The following PKD2L2 variants were observed in gnomAD, a reference collection of about 807,000 sequenced individuals.
PKD2L2 encodes the protein polycystin-2-like protein 2.
Under a neutral mutation model 83.9 loss-of-function variants are expected in PKD2L2, and 67 were observed. The observed-to-expected ratio is 0.80, with a 90% confidence interval of 0.66 to 0.98. The LOEUF (loss-of-function observed/expected upper bound fraction) is 0.98, where lower values mean the gene tolerates loss of function less well. Ranked by LOEUF, PKD2L2 falls within the 50% of genes least tolerant of loss-of-function variation. The pLI is 0.00. For synonymous variants in PKD2L2, 223 were observed against 237.8 expected (o/e 0.94, Z 0.57); for missense variants, 632 against 717.2 (o/e 0.88, Z 1.36).
At chr5:137,908,518 G>T (rs1300824510) in intron 7 of PKD2L2, among the ~76,000 whole-genome samples, 7 of 151,850 alleles carry the variant, frequency 4.6e-5, no homozygotes, top group African/African-American at 1.5e-4. Flanking sequence ...TTGAACCTAG[G>T]GGGCAGAGGT....
intron 12 of PKD2L2, among the ~76,000 whole-genome samples, chr5:137,931,046 T>G (rs1336721045): frequency 6.6e-6 from 1 of 152,070 alleles, no homozygotes; most frequent in African/African-American, 2.4e-5. Context: ...TGGAAGGAAT[T>G]AAAAGATCTC....
chr5:137,890,548 A>C lies in PKD2L2; in HGVS notation c.99A>C (p.Leu33Phe). ...TTACAACCACACTTCAGGAATTGTTACTCTACTTTATTTTTTTAATAAACC... is the reference window on the plus strand; with the variant it reads ...TTACAACCACACTTCAGGAATTGTTCCTCTACTTTATTTTTTTAATAAACC... Reference protein sequence around the residue: ...VEITTTLQELLLYFIFLINLC... With the variant: ...VEITTTLQELFLYFIFLINLC... The change falls in exon 2 of 15, where the codon TTA becomes TTC. Residue 33 changes from leucine to phenylalanine, a missense_variant. Coordinates refer to ENST00000508883, the MANE Select transcript of PKD2L2 (RefSeq NM_001300921.2). 1 of 1,549,568 alleles carries C rather than the reference A, an allele frequency of 6.5e-7. No individual in the cohort carries two copies.
intron 12 of PKD2L2, among the ~76,000 whole-genome samples, chr5:137,935,357 AAG>A (rs1760239031): frequency 6.6e-6 from 1 of 152,188 alleles, no homozygotes; most frequent in African/African-American, 2.4e-5. Flanking sequence ...AGTAATTACA[AAG>A]AGGGGGTTTT....
rs770564677 is a variant in PKD2L2, at chr5:137,934,537, G to C, written c.1672-1260G>C. Among the ~76,000 whole-genome samples the C allele has an allele frequency of 5.9e-5, 9 of 152,102 alleles. No individual in the cohort carries two copies. In the East Asian group the frequency reaches 1.5e-3, roughly 26 times the overall value. ...AATATGTTCGTTTAAGGCTGGGCGC[G>C]GTGGCTCGCACCTGTAATCCCAGCA... On this transcript the variant is annotated intron_variant, in intron 12 of 14. Transcript: ENST00000508883.
In PKD2L2 at chr5:137,897,417, C is replaced by T. The variant is rs1756576929; in HGVS notation, c.525-2099C>T. Among the ~76,000 whole-genome samples the T allele has an allele frequency of 2.0e-5, 3 of 152,102 alleles. No homozygotes were observed. The South Asian group carries it at 6.2e-4, about 32-fold the overall frequency. On this transcript the variant is annotated intron_variant, in intron 4 of 14. Transcript: ENST00000508883. ...TTCAACCCCAAATTACAAGATAAAG[C>T]AATTATTTACACCTTTTAAATTGGA...
At chr5:137,896,995 T>C (rs969594417) in intron 4 of PKD2L2, among the ~76,000 whole-genome samples, 1 of 149,348 alleles carries the variant, frequency 6.7e-6, no homozygotes, top group Non-Finnish European at 1.5e-5. Flanking sequence ...ATGATTCTTA[T>C]AAATCGAATA....
chr5:137,917,139 T>A (rs1047376768), intron 8 of PKD2L2, among the ~76,000 whole-genome samples: 1 of 150,606 alleles, frequency 6.6e-6, no homozygotes, highest in Non-Finnish European at 1.5e-5. Context: ...GTCCTGCAGG[T>A]CTCTTGGTAT....
chr5:137,911,842 G>C, intron 8 of PKD2L2, among the ~76,000 whole-genome samples: 1 of 152,034 alleles, frequency 6.6e-6, no homozygotes, highest in South Asian at 2.1e-4. Context: ...AGCAATTACC[G>C]TTCTACCCTC....
At chr5:137,904,036 G>A (rs1369099996) in intron 5 of PKD2L2, among the ~76,000 whole-genome samples, 1 of 152,282 alleles carries the variant, frequency 6.6e-6, no homozygotes, top group South Asian at 2.1e-4. Context: ...GATTACAGAC[G>A]TGAGCCACCC....
Position 137,925,054 on chromosome 5 carries a change from T to G in PKD2L2, c.1566T>G (p.Val522=). The change falls in exon 11 of 15, where the codon GTT becomes GTG. Residue 522 remains valine, a synonymous_variant. Coordinates refer to ENST00000508883, the MANE Select transcript of PKD2L2 (RefSeq NM_001300921.2). The part of the protein sequence containing the change: ...GKMIKQSYKN[V]LEKFRLKKAQ... The stretch of plus-strand genomic sequence containing the variant: ...ATTATGCCCAGAGTTACAAAAATGT[T>G]CTCGAGAAATTCAGACTGAAGAAAG... 3 of 1,596,370 alleles carry G rather than the reference T, an allele frequency of 1.9e-6. No individual in the cohort carries two copies. The highest frequency in any genetic ancestry group is 2.6e-6 in the Non-Finnish European group (3 of 1,164,150).
chr5:137,901,849 T>C (rs1010597474), intron 5 of PKD2L2, among the ~76,000 whole-genome samples: 1 of 152,176 alleles, frequency 6.6e-6, no homozygotes, highest in African/African-American at 2.4e-5. Flanking sequence ...GATTGCATTA[T>C]TGAAGATGCC....
intron 8 of PKD2L2, 33 bp downstream of exon 8, chr5:137,908,979 C>T (rs1456327648): frequency 7.6e-7 from 1 of 1,323,394 alleles, no homozygotes; most frequent in Non-Finnish European, 1.1e-6. Flanking sequence ...ATTATATCTT[C>T]TATATTTTCT....
chr5:137,915,051 A>T (rs1430198489), intron 8 of PKD2L2, among the ~76,000 whole-genome samples: 2 of 152,022 alleles, frequency 1.3e-5, no homozygotes, highest in Non-Finnish European at 2.9e-5. Context: ...TTTTGCATCT[A>T]TCTTCATTAG....
chr5:137,941,031 G>C (rs146162274), intron 14 of PKD2L2, among the ~76,000 whole-genome samples: 1 of 152,038 alleles, frequency 6.6e-6, no homozygotes, highest in South Asian at 2.1e-4. Flanking sequence ...TCAGCCTCTA[G>C]AGTAGCTGGA....
rs189161564 is a variant in PKD2L2 at position 137,904,258 on chromosome 5, C to T, written c.747-1948C>T. 1.3e-3 allele frequency among the ~76,000 whole-genome samples: 198 copies of T among 152,260 alleles called. 4 individuals carry two copies. The highest frequency in any genetic ancestry group is 0.01 in the Middle Eastern group (3 of 292). ...ACTAGCAAAGGATTTGCTCTAGAAT[C>T]AAACACTTAGCAAAGGATTACCATG... On this transcript the variant is annotated intron_variant, in intron 5 of 14. Coordinates refer to ENST00000508883, the MANE Select transcript of PKD2L2 (RefSeq NM_001300921.2).
rs1043442887 is a variant in PKD2L2, at chr5:137,927,148, C to T, written c.1671+1219C>T. 3.3e-5 allele frequency among the ~76,000 whole-genome samples: 5 copies of T among 152,244 alleles called. No homozygotes were observed. In the South Asian group the frequency reaches 1.0e-3, roughly 32 times the overall value. Reference sequence around the variant, plus strand: ...AATGAGACGTTTACAGACCTCTCCACCAAATACTTATTACAAAAAGAAAAG... The same window carrying T: ...AATGAGACGTTTACAGACCTCTCCATCAAATACTTATTACAAAAAGAAAAG... On this transcript the variant is annotated intron_variant, in intron 12 of 14. Transcript: ENST00000508883.
In PKD2L2 at chr5:137,936,283, T is replaced by C. The variant is rs1760378936; in HGVS notation, c.1785-37T>C. 2.7e-6 allele frequency: 4 copies of C among 1,506,986 alleles called. No individual in the cohort carries two copies. The East Asian group carries it at 9.8e-5, about 37-fold the overall frequency. 93.4% of individuals were successfully genotyped at this position (1,506,986 alleles called of 1,614,324 possible). On this transcript the variant is annotated intron_variant, in intron 13 of 14. Transcript: ENST00000508883. ...TTGCTGTCTATACATGAAAGTTTAT[T>C]ACTGACTCATTCTCTACTTCCTTCG...
intron 3 of PKD2L2, among the ~76,000 whole-genome samples, chr5:137,893,633 A>T (rs1456743910): frequency 6.6e-6 from 1 of 152,220 alleles, no homozygotes; most frequent in Non-Finnish European, 1.5e-5. Flanking sequence ...TTGTGAGCAT[A>T]TGGAAGATGA....
intron 13 of PKD2L2, 110 bp downstream of exon 13, chr5:137,936,019 C>A: frequency 1.4e-6 from 1 of 701,444 alleles, no homozygotes; most frequent in South Asian, 1.8e-5. Flanking sequence ...TATTAGGATG[C>A]CTTTATTTAC....
Sources: gnomAD v4.1 joint callset for allele counts (sites outside exome capture counted in the v4.1 genomes callset) on GRCh38, gnomAD v4.1.1 for gene constraint, MANE v1.5 for transcripts, NCBI Gene and HGNC (gene_info 2026-07-23, HGNC 2026-07-21) for gene names.